The following KIRREL3 variants were observed in gnomAD, a reference collection of about 807,000 sequenced individuals.
The protein encoded by KIRREL3 is kin of IRRE-like protein 3.
In KIRREL3, 36 loss-of-function variants were observed where a neutral mutation model predicts 89.7. The observed-to-expected ratio is 0.40, with a 90% confidence interval of 0.31 to 0.53. The LOEUF is 0.53. Ranked by LOEUF, KIRREL3 falls within the 20% of genes least tolerant of loss-of-function variation. The probability of loss-of-function intolerance (pLI) is 0.49; values close to 1 mark genes in which losing one functional copy is unlikely to be tolerated. For missense variants in KIRREL3, 864 were observed against 1,056.6 expected (o/e 0.82, Z 2.53); for synonymous variants, 445 against 441.4 (o/e 1.01, Z -0.10).
At chr11:126,439,020 A>T (rs1325010703) in intron 11 of KIRREL3, among the ~76,000 whole-genome samples, 1 of 152,210 alleles carries the variant, frequency 6.6e-6, no homozygotes, top group Non-Finnish European at 1.5e-5. Context: ...TTCCCCGAGT[A>T]GTGCTATAAA....
intron 1 of KIRREL3, among the ~76,000 whole-genome samples, chr11:126,873,665 G>A (rs1216896962): frequency 1.3e-5 from 2 of 152,160 alleles, no homozygotes; most frequent in African/African-American, 4.8e-5. Context: ...GTCATACCCT[G>A]CACACACATG....
chr11:126,873,958 A>G (rs572358766), intron 1 of KIRREL3, among the ~76,000 whole-genome samples: 16 of 152,282 alleles, frequency 1.1e-4, no homozygotes, highest in Non-Finnish European at 2.2e-4. Context: ...TTTTTTTTCC[A>G]AGAATTCTAT....
rs1263358743 is a variant in KIRREL3, at chr11:126,574,639, C to T, written c.56-11727G>A. Among the ~76,000 whole-genome samples the T allele has an allele frequency of 6.6e-6, 1 of 152,114 alleles. No homozygotes were observed. Among genetic ancestry groups the T allele is most frequent in the Non-Finnish European group, 1.5e-5 (1 of 68,032 alleles). ...GGGGTTATCCAATCTAGCAGCCCCA[C>T]CAGAGCAAAGGACGAGGGTGGCTGG... On this transcript the variant is annotated intron_variant, in intron 1 of 16. Transcript: ENST00000525144. This position sits in a 1 kb window ranked among gnomAD's most constrained non-coding sequence, Gnocchi z 5.3.
intron 1 of KIRREL3, among the ~76,000 whole-genome samples, chr11:126,585,275 G>GGGTGCAAT (rs1263402320): frequency 7.5e-6 from 1 of 133,260 alleles, no homozygotes; most frequent in Non-Finnish European, 1.6e-5. Flanking sequence ...AGCCAGGCTG[G>GGGTGCAAT]GGTGCAATGG....
chr11:126,435,404 C>A, intron 12 of KIRREL3, 101 bp from the exon 13 acceptor site: 1 of 1,186,442 alleles, frequency 8.4e-7, no homozygotes, highest in Non-Finnish European at 1.2e-6. Context: ...TGAGGGGCTC[C>A]TTTCCCAGTC....
chr11:126,850,110 G>A (rs1270603210), intron 1 of KIRREL3, among the ~76,000 whole-genome samples: 3 of 152,166 alleles, frequency 2.0e-5, no homozygotes, highest in Non-Finnish European at 1.5e-5. Context: ...ATCTGGCACT[G>A]CCTGGGCCTG....
At position 126,942,799 on chromosome 11, in the gene KIRREL3, C is replaced by T. The variant is rs554220772; in HGVS notation, c.55+57656G>A. Among the ~76,000 whole-genome samples the T allele has an allele frequency of 9.2e-5, 14 of 152,278 alleles. 1 individual carries two copies. The highest frequency in any genetic ancestry group is 3.3e-4 in the Admixed American group (5 of 15,302). On this transcript the variant is annotated intron_variant, in intron 1 of 16. Transcript: ENST00000525144. ...CGCTCCCTTGAGCCCTGGAGCTTGC[C>T]GGGGGCAGCCACCCCTTCCAGGATT...
intron 4 of KIRREL3, among the ~76,000 whole-genome samples, chr11:126,514,118 A>G (rs1254331490): frequency 6.6e-6 from 1 of 152,062 alleles, no homozygotes; most frequent in Non-Finnish European, 1.5e-5. Context: ...AGCTGGTGGC[A>G]GGGGTGGGGT....
At position 126,430,662 on chromosome 11, in the gene KIRREL3, C is replaced by G. The variant is rs1302958785; in HGVS notation, c.1696+757G>C. On this transcript the variant is annotated intron_variant, in intron 14 of 16. Coordinates refer to ENST00000525144, the MANE Select transcript of KIRREL3 (RefSeq NM_032531.4). The surrounding 1 kb of genome is among the most constrained non-coding windows in gnomAD (Gnocchi z 6.6). ...GCTGCCGAGTGGCAGAGGAGCAGACCCATTCTGGTGATTCATTTTTTGCAT... is the reference window on the plus strand; with the variant it reads ...GCTGCCGAGTGGCAGAGGAGCAGACGCATTCTGGTGATTCATTTTTTGCAT... Among the ~76,000 whole-genome samples the G allele has an allele frequency of 6.6e-6, 1 of 151,994 alleles. No homozygotes were observed. The highest frequency in any genetic ancestry group is 2.1e-4 in the South Asian group (1 of 4,820).
At chr11:126,426,832 A>G (rs1954957308) in intron 15 of KIRREL3, among the ~76,000 whole-genome samples, 1 of 152,156 alleles carries the variant, frequency 6.6e-6, no homozygotes, top group South Asian at 2.1e-4. Flanking sequence ...CACTAAGGAG[A>G]CCATGCGGTT....
Position 126,463,457 on chromosome 11 carries a change from A to C in KIRREL3, c.592-150T>G. The C allele has an allele frequency of 1.3e-6, 1 of 773,294 alleles. No homozygotes were observed. Among genetic ancestry groups the C allele is most frequent in the Non-Finnish European group, 2.0e-6 (1 of 496,162 alleles). The allele number at this position is 773,294 out of a possible 1,614,324, so 47.9% of individuals were successfully genotyped here. On this transcript the variant is annotated intron_variant, in intron 5 of 16. Transcript: ENST00000525144. This position sits in a 1 kb window ranked among gnomAD's most constrained non-coding sequence, Gnocchi z 5.9. Reference sequence around the variant, plus strand: ...TAGGAGACCTGGGCTGCCCATGTCTACGCAGAGCTCGGGGGTTACCCCCTG... The same window carrying C: ...TAGGAGACCTGGGCTGCCCATGTCTCCGCAGAGCTCGGGGGTTACCCCCTG...
chr11:126,584,523 T>C (rs1225106337), intron 1 of KIRREL3, among the ~76,000 whole-genome samples: 2 of 152,184 alleles, frequency 1.3e-5, no homozygotes, highest in African/African-American at 4.8e-5. Flanking sequence ...AGCCCAGGCA[T>C]GTGGGTATGA....
chr11:126,763,570 G>A lies in KIRREL3; in HGVS notation c.56-200658C>T, dbSNP rs977731279. On this transcript the variant is annotated intron_variant, in intron 1 of 16. Coordinates refer to ENST00000525144, the MANE Select transcript of KIRREL3 (RefSeq NM_032531.4). The surrounding 1 kb of genome is among the most constrained non-coding windows in gnomAD (Gnocchi z 4.7). ...TGTGGGAACAAGTTACCCAAGAAAT[G>A]TGCCCAGGCTGAGGGACCAAGGCCC... Among the ~76,000 whole-genome samples the A allele has an allele frequency of 1.3e-5, 2 of 152,194 alleles. No homozygotes were observed. The highest frequency in any genetic ancestry group is 6.5e-5 in the Admixed American group (1 of 15,288).
At chr11:126,433,790 G>A (rs1955220291) in intron 13 of KIRREL3, among the ~76,000 whole-genome samples, 2 of 152,222 alleles carry the variant, frequency 1.3e-5, no homozygotes, top group South Asian at 4.1e-4. Context: ...CAGATTCCTA[G>A]TAAGTTTCCT....
chr11:126,885,507 A>G (rs1177190306), intron 1 of KIRREL3, among the ~76,000 whole-genome samples: 1 of 152,212 alleles, frequency 6.6e-6, no homozygotes, highest in African/African-American at 2.4e-5. Context: ...GATCTATTTA[A>G]TTTTCGTTTG....
In KIRREL3 at chr11:126,682,676, A is replaced by C. The variant is rs1366793630; in HGVS notation, c.56-119764T>G. Among the ~76,000 whole-genome samples, 2 of 152,076 alleles carry C rather than the reference A, an allele frequency of 1.3e-5. No homozygotes were observed. The highest frequency in any genetic ancestry group is 1.5e-5 in the Non-Finnish European group (1 of 68,012). On this transcript the variant is annotated intron_variant, in intron 1 of 16. Transcript: ENST00000525144. The surrounding 1 kb of genome is among the most constrained non-coding windows in gnomAD (Gnocchi z 4.8). ...ATCTTCAGGCACTAGTTAGATTCTC[A>C]TAAGAGACACAGCACACAGCCTAGA...
At position 126,876,476 on chromosome 11, in the gene KIRREL3, T is replaced by C. The variant is rs1945289557; in HGVS notation, c.55+123979A>G. Among the ~76,000 whole-genome samples, 1 of 151,714 alleles carries C rather than the reference T, an allele frequency of 6.6e-6. No homozygotes were observed. Among genetic ancestry groups the C allele is most frequent in the South Asian group, 2.1e-4 (1 of 4,802 alleles). Reference sequence around the variant, plus strand: ...TGGGGACACACTGTGCTATCCCTGCTCACTGTTGCACCTGATACACCTATC... The same window carrying C: ...TGGGGACACACTGTGCTATCCCTGCCCACTGTTGCACCTGATACACCTATC... On this transcript the variant is annotated intron_variant, in intron 1 of 16. Coordinates refer to ENST00000525144, the MANE Select transcript of KIRREL3 (RefSeq NM_032531.4). This position sits in a 1 kb window ranked among gnomAD's most constrained non-coding sequence, Gnocchi z 4.1.
In KIRREL3 at chr11:126,955,116, G is replaced by T. The variant is rs558248510; in HGVS notation, c.55+45339C>A. ...TCTGCCTGAGGGGGTACTGCTGCAG[G>T]CGTGTGGCTTTTCACTGTGGGCTTC... On this transcript the variant is annotated intron_variant, in intron 1 of 16. Coordinates refer to ENST00000525144, the MANE Select transcript of KIRREL3 (RefSeq NM_032531.4). The surrounding 1 kb of genome is among the most constrained non-coding windows in gnomAD (Gnocchi z 4.6). 1.3e-5 allele frequency among the ~76,000 whole-genome samples: 2 copies of T among 152,310 alleles called. No homozygotes were observed. Among genetic ancestry groups the T allele is most frequent in the African/African-American group, 4.8e-5 (2 of 41,568 alleles).
At chr11:126,691,027 C>A (rs1381148059) in intron 1 of KIRREL3, among the ~76,000 whole-genome samples, 1 of 152,130 alleles carries the variant, frequency 6.6e-6, no homozygotes, top group Non-Finnish European at 1.5e-5. Flanking sequence ...CACATATGGT[C>A]AATAAACATA....
Sources: allele counts gnomAD v4.1 joint callset (sites outside exome capture counted in the v4.1 genomes callset), GRCh38; gene constraint gnomAD v4.1.1; non-coding constraint Gnocchi (gnomAD v3.1); transcripts MANE v1.5; gene names NCBI Gene and HGNC (gene_info 2026-07-23, HGNC 2026-07-21).